The following RNF31 variants were observed in gnomAD, a reference collection of about 807,000 sequenced individuals.
RNF31 encodes ring finger protein 31.
RNF31 carries 38 observed loss-of-function variants against 133.6 expected under a neutral mutation model. The ratio of observed to expected loss-of-function variants is 0.28; its 90% CI spans 0.22 to 0.37. The LOEUF is 0.37. Ranked by LOEUF, RNF31 falls within the 10% of genes least tolerant of loss-of-function variation. The probability of loss-of-function intolerance (pLI) is 1.00; values close to 1 mark genes in which losing one functional copy is unlikely to be tolerated. For synonymous variants in RNF31, 582 were observed against 552.3 expected, an observed-to-expected ratio of 1.05 and a Z score of -0.75; for missense variants, 1,118 against 1,394.1, an observed-to-expected ratio of 0.80 and a Z score of 3.15.
In RNF31 at chr14:24,151,896, G is replaced by A; in HGVS notation, c.2034G>A (p.Val678=). The stretch of plus-strand genomic sequence containing the variant: ...CCAGGAACTATGAGTTGGGGGATGT[G>A]GTAGAAGCTGTGAGGCACAGCCAGG... ...ETPRNYELGD[V]VEAVRHSQDR... Residue 678 remains valine (V), a synonymous_variant, in exon 11 of 21, where the codon GTG becomes GTA. Coordinates refer to ENST00000324103, the MANE Select transcript of RNF31 (RefSeq NM_017999.5). This position sits in a 1 kb window ranked among gnomAD's most constrained non-coding sequence, Gnocchi z 5.3. 2.5e-6 allele frequency: 4 copies of A among 1,614,220 alleles called. No individual in the cohort carries two copies. The highest frequency in any genetic ancestry group is 3.4e-6 in the Non-Finnish European group (4 of 1,180,046).
At chr14:24,158,873 AAT>A (rs1458205910) in intron 18 of RNF31, among the ~76,000 whole-genome samples, 2 of 151,220 alleles carry the variant, frequency 1.3e-5, no homozygotes, top group Non-Finnish European at 2.9e-5. Flanking sequence ...CTCTACTAAA[AAT>A]ACAAAAAATT....
rs538389986 is a variant in RNF31, at chr14:24,151,403, A to T, written c.1737+24A>T. On this transcript the variant is annotated intron_variant, in intron 9 of 20. Coordinates refer to ENST00000324103, the MANE Select transcript of RNF31 (RefSeq NM_017999.5). This position sits in a 1 kb window ranked among gnomAD's most constrained non-coding sequence, Gnocchi z 5.3. Reference sequence around the variant, plus strand: ...AGGTATCAGCTGTGCTGGATATGGGATAGGGTCGAGAGTCTGCATCTCTCA... The same window carrying T: ...AGGTATCAGCTGTGCTGGATATGGGTTAGGGTCGAGAGTCTGCATCTCTCA... The T allele has an allele frequency of 8.0e-5, 129 of 1,613,866 alleles. 1 individual carries two copies. In the South Asian group the frequency reaches 1.3e-3, roughly 16 times the overall value.
intron 5 of RNF31, 150 bp downstream of exon 5, chr14:24,149,026 C>T (rs1240670575): frequency 1.1e-5 from 8 of 759,156 alleles, no homozygotes; most frequent in Admixed American, 4.2e-5. Flanking sequence ...TGCAATGGTG[C>T]GATCTCCGCT....
intron 2 of RNF31, 48 bp downstream of exon 2, chr14:24,148,170 A>G (rs769544028): frequency 1.2e-6 from 2 of 1,613,292 alleles, no homozygotes; most frequent in African/African-American, 2.7e-5. Context: ...TTGGCTAGAA[A>G]AGGCCTGAGG....
chr14:24,157,854 C>T (rs2038369323), intron 16 of RNF31, 44 bp from the exon 17 acceptor site: 2 of 1,548,870 alleles, frequency 1.3e-6, no homozygotes. Context: ...GGCCAGGACC[C>T]CAACAGTCTC....
intron 6 of RNF31, 117 bp downstream of exon 6, chr14:24,149,700 T>G (rs2038233647): frequency 9.6e-7 from 1 of 1,043,348 alleles, no homozygotes; most frequent in East Asian, 2.5e-5. Context: ...AAGTAGCCAG[T>G]CAGAACCCTG....
At chr14:24,153,214 G>A (rs768010426) in intron 11 of RNF31, among the ~76,000 whole-genome samples, 1 of 152,136 alleles carries the variant, frequency 6.6e-6, no homozygotes, top group Non-Finnish European at 1.5e-5. Context: ...GGAGGCTGAG[G>A]TGGGAGAATA....
intron 14 of RNF31, 65 bp from the exon 15 acceptor site, chr14:24,157,225 G>T (rs2038354095): frequency 1.5e-5 from 18 of 1,240,080 alleles, no homozygotes; most frequent in Non-Finnish European, 2.0e-5. Flanking sequence ...TGAGTGGAGG[G>T]GCCAGCAAGA....
Position 24,150,170 on chromosome 14 carries a change from G to A in RNF31, c.919G>A (p.Ala307Thr), listed in dbSNP as rs2139078954. ...PASAHLPWHC[A>T]ACAMLNEPWA... The stretch of plus-strand genomic sequence containing the variant: ...AAGTGCTCATTTGCCCTGGCACTGT[G>A]CTGCCTGTGCCATGCTAAATGAGCC... The change falls in exon 7 of 21, where the codon GCT (alanine) becomes ACT (threonine). Residue 307 changes from alanine to threonine, a missense_variant. Ala to Thr is a moderately conservative substitution (Grantham distance 58). This residue lies in a region of RNF31 where 747 missense variants were observed against 827.9 expected (regional missense o/e 0.90). Coordinates refer to ENST00000324103, the MANE Select transcript of RNF31 (RefSeq NM_017999.5). 1 of 1,614,142 alleles carries A rather than the reference G, an allele frequency of 6.2e-7. No individual in the cohort carries two copies. Among genetic ancestry groups the A allele is most frequent in the African/African-American group, 1.3e-5 (1 of 75,042 alleles).
chr14:24,148,592 CT>C, intron 3 of RNF31, 49 bp from the exon 4 acceptor site: 1 of 1,603,022 alleles, frequency 6.2e-7, no homozygotes. Context: ...AGAGGGAGGG[CT>C]TTGTTCTAGG....
At chr14:24,146,974 G>A, upstream of RNF31, 1 of 280,468 alleles carries the variant, frequency 3.6e-6, no homozygotes, top group Non-Finnish European at 7.0e-6. Context: ...AGGCTCGACC[G>A]CAAGTAGCGG....
At position 24,155,468 on chromosome 14, in the gene RNF31, G is replaced by A. The variant is rs1287011601; in HGVS notation, c.2359G>A (p.Glu787Lys). The A allele has an allele frequency of 6.2e-7, 1 of 1,614,208 alleles. No homozygotes were observed. Among genetic ancestry groups the A allele is most frequent in the Non-Finnish European group, 8.5e-7 (1 of 1,180,030 alleles). ...TGCGTTGTTCCATAAGAAGCTGACC[G>A]AGGGTGTGCTGATGCGGGACCCCAA... ...AYALFHKKLT[E>K]GVLMRDPKFL... Residue 787 changes from glutamate (E) to lysine (K), a missense_variant, in exon 13 of 21, where the codon GAG becomes AAG. Around this residue, in one of 3 missense-constraint regions of RNF31, gnomAD observed 201 missense variants for 371.7 expected, o/e 0.54. Transcript: ENST00000324103. The surrounding 1 kb of genome is among the most constrained non-coding windows in gnomAD (Gnocchi z 4.9).
chr14:24,151,730 G>A lies in RNF31; in HGVS notation c.1924-56G>A, dbSNP rs2038269810. The A allele has an allele frequency of 4.4e-6, 7 of 1,601,470 alleles. No individual in the cohort carries two copies. The highest frequency in any genetic ancestry group is 6.0e-6 in the Non-Finnish European group (7 of 1,173,872). On this transcript the variant is annotated intron_variant, in intron 10 of 20. Transcript: ENST00000324103. This position sits in a 1 kb window ranked among gnomAD's most constrained non-coding sequence, Gnocchi z 5.3. ...CTAGAGGAGCAAGAGGGAGCTGAGG[G>A]GAAGGGTCCCTGGAGTCTGACAGCA...
chr14:24,147,961 T>C lies in RNF31; in HGVS notation c.193-15T>C. The C allele has an allele frequency of 3.7e-6, 6 of 1,614,092 alleles. No homozygotes were observed. The highest frequency in any genetic ancestry group is 5.1e-6 in the Non-Finnish European group (6 of 1,179,988). ...CCAGGCCACGCTCACACCTCTCTGC[T>C]CTCCTTGCTCCCAGCCCCGAAACTA... On this transcript the variant is annotated splice_polypyrimidine_tract_variant and intron_variant, in intron 1 of 20. Coordinates refer to ENST00000324103, the MANE Select transcript of RNF31 (RefSeq NM_017999.5).
rs1337673647 is a variant in RNF31, at chr14:24,155,893, A to AGGAGGAAG, written c.2493+203_2493+210dup. ...GAAATCGGGAGGGAAAGGAAAGGGG[A>AGGAGGAAG]GGAGGAAGGAAGGAAGGAAAGAAAG... On this transcript the variant is annotated intron_variant, in intron 14 of 20. Coordinates refer to ENST00000324103, the MANE Select transcript of RNF31 (RefSeq NM_017999.5). This position sits in a 1 kb window ranked among gnomAD's most constrained non-coding sequence, Gnocchi z 4.9. Among the ~76,000 whole-genome samples, 14 of 152,128 alleles carry AGGAGGAAG rather than the reference A, an allele frequency of 9.2e-5. No individual in the cohort carries two copies. In the East Asian group the frequency reaches 2.7e-3, roughly 29 times the overall value.
chr14:24,157,258 C>T (rs761764946), intron 14 of RNF31, 32 bp from the exon 15 acceptor site: 5 of 1,516,512 alleles, frequency 3.3e-6, no homozygotes, highest in Non-Finnish European at 4.5e-6. Flanking sequence ...TGGGATAGAG[C>T]TCCCATGTGA....
At chr14:24,159,027 C>T (rs1316432173) in intron 18 of RNF31, among the ~76,000 whole-genome samples, 3 of 81,012 alleles carry the variant, frequency 3.7e-5, no homozygotes, top group African/African-American at 1.9e-4. Flanking sequence ...AGCGAGACTT[C>T]GTCTCAAAAA....
At chr14:24,152,124 G>C (rs2038275885) in intron 11 of RNF31, 132 bp downstream of exon 11, 2 of 866,928 alleles carry the variant, frequency 2.3e-6, no homozygotes, top group Admixed American at 3.0e-5. Context: ...GCTCCTGGGA[G>C]GGGGAAGTCA....
Position 24,151,699 on chromosome 14 carries a change from G to C in RNF31, c.1923+29G>C. ...CTGGGAGGAGGCAAGAAGCCCAAGG[G>C]TCCACCTAGAGGAGCAAGAGGGAGC... On this transcript the variant is annotated intron_variant, in intron 10 of 20. Coordinates refer to ENST00000324103, the MANE Select transcript of RNF31 (RefSeq NM_017999.5). The surrounding 1 kb of genome is among the most constrained non-coding windows in gnomAD (Gnocchi z 5.3). 2.5e-6 allele frequency: 4 copies of C among 1,608,286 alleles called. No individual in the cohort carries two copies. Among genetic ancestry groups the C allele is most frequent in the East Asian group, 2.2e-5 (1 of 44,852 alleles).
Sources: gnomAD v4.1 joint callset for allele counts (sites outside exome capture counted in the v4.1 genomes callset) on GRCh38, gnomAD v4.1.1 for gene constraint, gnomAD v4.1.1 regional missense constraint, Gnocchi (gnomAD v3.1) non-coding constraint, MANE v1.5 for transcripts, NCBI Gene and HGNC (gene_info 2026-07-23, HGNC 2026-07-21) for gene names.